TCF7L2: variants seen among roughly 807,000 people sequenced by gnomAD.
The protein encoded by TCF7L2 is transcription factor 7 like 2.
Under a neutral mutation model 77.9 loss-of-function variants are expected in TCF7L2, and 23 were observed. The ratio of observed to expected loss-of-function variants is 0.30; its 90% CI spans 0.21 to 0.42. The LOEUF is 0.42. Among genes scored for constraint, TCF7L2 ranks in the 10% least tolerant of loss-of-function variants. The pLI is 1.00. For missense variants in TCF7L2, 654 were observed against 793.1 expected, an observed-to-expected ratio of 0.82 and a Z score of 2.11; for synonymous variants, 413 against 340.2, an observed-to-expected ratio of 1.21 and a Z score of -2.36.
chr10:113,112,124 G>A (rs567794165), intron 5 of TCF7L2, among the ~76,000 whole-genome samples: 2 of 152,372 alleles, frequency 1.3e-5, no homozygotes, highest in East Asian at 3.9e-4. Context: ...CCACATGGCA[G>A]CAGGAACATT....
At chr10:113,126,717 C>T (rs1214570139) in intron 5 of TCF7L2, 4 of 986,054 alleles carry the variant, frequency 4.1e-6, no homozygotes, top group African/African-American at 1.7e-5. Flanking sequence ...CTGGTGTGTG[C>T]TGCTCCCCTG....
chr10:113,089,627 G>A, intron 5 of TCF7L2: 2 of 1,504,286 alleles, frequency 1.3e-6, no homozygotes, highest in Non-Finnish European at 1.8e-6. Context: ...TCTAGGGCAG[G>A]GCCCATCCAC....
At position 113,156,171 on chromosome 10, in the gene TCF7L2, G is replaced by A. The variant is rs1255408304; in HGVS notation, c.1270-1850G>A. On this transcript the variant is annotated intron_variant, in intron 11 of 13. Transcript: ENST00000627217. ...TGTTCTGTCACCAGGGTGGAGTGCA[G>A]TAGCACGATCTCAGCTCACTGCAAC... 1.7e-4 allele frequency among the ~76,000 whole-genome samples: 25 copies of A among 147,006 alleles called. 1 individual carries two copies. The highest frequency in any genetic ancestry group is 4.4e-5 in the Non-Finnish European group (3 of 67,468).
intron 5 of TCF7L2, among the ~76,000 whole-genome samples, chr10:113,087,387 G>T (rs1208965537): frequency 1.3e-5 from 2 of 152,228 alleles, no homozygotes; most frequent in Non-Finnish European, 2.9e-5. Context: ...AGCAGACAAG[G>T]ATTAAACCCT....
At chr10:113,007,274 G>T (rs1482653740) in intron 4 of TCF7L2, among the ~76,000 whole-genome samples, 2 of 152,236 alleles carry the variant, frequency 1.3e-5, no homozygotes, top group African/African-American at 4.8e-5. Flanking sequence ...CACTTGGGTT[G>T]TGTGTCCCTG....
intron 5 of TCF7L2, among the ~76,000 whole-genome samples, chr10:113,106,856 T>C (rs770169164): frequency 1.2e-4 from 18 of 152,198 alleles, no homozygotes; most frequent in Non-Finnish European, 2.2e-4. Context: ...CATAGAAATG[T>C]ATGAAAATGA....
At chr10:112,997,072 C>T (rs1369573825) in intron 4 of TCF7L2, among the ~76,000 whole-genome samples, 1 of 152,198 alleles carries the variant, frequency 6.6e-6, no homozygotes, top group East Asian at 1.9e-4. Flanking sequence ...ACTAATGAGG[C>T]AGCAGGTGTC....
chr10:112,956,545 G>A (rs1053870031), intron 3 of TCF7L2, among the ~76,000 whole-genome samples: 1 of 152,064 alleles, frequency 6.6e-6, no homozygotes, highest in African/African-American at 2.4e-5. Flanking sequence ...TATTTTCAAA[G>A]GGGTGTGTGA....
rs573046259 is a variant in TCF7L2, at chr10:113,069,494, T to A, written c.552+29368T>A. ...ATCCGCCCACCTCTACCTCTCAAAGTGCTGGGATTACAGGCGTGAGCTGCC... is the reference window on the plus strand; with the variant it reads ...ATCCGCCCACCTCTACCTCTCAAAGAGCTGGGATTACAGGCGTGAGCTGCC... On this transcript the variant is annotated intron_variant, in intron 5 of 13. Transcript: ENST00000627217. 2.0e-5 allele frequency among the ~76,000 whole-genome samples: 3 copies of A among 152,278 alleles called. No individual in the cohort carries two copies. The South Asian group carries it at 6.2e-4, about 32-fold the overall frequency.
intron 5 of TCF7L2, among the ~76,000 whole-genome samples, chr10:113,119,093 A>G (rs2064346532): frequency 6.6e-6 from 1 of 152,234 alleles, no homozygotes; most frequent in Non-Finnish European, 1.5e-5. Context: ...GCGGAAGTTA[A>G]TAAGATTGAC....
chr10:113,118,045 T>C (rs1226646198), intron 5 of TCF7L2, among the ~76,000 whole-genome samples: 1 of 148,524 alleles, frequency 6.7e-6, no homozygotes, highest in African/African-American at 2.5e-5. Context: ...TTTTTTTTGG[T>C]GCTGTGTTTT....
At chr10:113,015,929 T>C (rs1004208175) in intron 4 of TCF7L2, among the ~76,000 whole-genome samples, 15 of 152,202 alleles carry the variant, frequency 9.9e-5, no homozygotes, top group African/African-American at 3.6e-4. Context: ...GGGGTTTCCT[T>C]ACCTGGCAAG....
chr10:113,145,071 C>T (rs2069085201), intron 7 of TCF7L2, among the ~76,000 whole-genome samples: 1 of 150,264 alleles, frequency 6.7e-6, no homozygotes, highest in Non-Finnish European at 1.5e-5. Context: ...TGGCTTACCC[C>T]ACAATTCTAC....
chr10:112,960,150 T>G (rs113470970), intron 3 of TCF7L2, among the ~76,000 whole-genome samples: 56 of 152,310 alleles, frequency 3.7e-4, no homozygotes, highest in African/African-American at 1.3e-3. Context: ...GGATTTCAAT[T>G]GTTTTAATTG....
intron 5 of TCF7L2, among the ~76,000 whole-genome samples, chr10:113,121,796 A>AC (rs2064844682): frequency 6.6e-6 from 1 of 151,986 alleles, no homozygotes. Flanking sequence ...ACACACACAC[A>AC]AATGAAGGCA....
intron 13 of TCF7L2, chr10:113,161,121 G>A (rs1399996749): frequency 2.1e-5 from 5 of 238,312 alleles, no homozygotes; most frequent in Non-Finnish European, 4.0e-5. Flanking sequence ...GACACATGGA[G>A]AAGGGTTCTG....
chr10:113,013,374 C>T (rs1418258457), intron 4 of TCF7L2, among the ~76,000 whole-genome samples: 1 of 149,364 alleles, frequency 6.7e-6, no homozygotes, highest in Non-Finnish European at 1.5e-5. Flanking sequence ...CTGCCTTGAC[C>T]TCCCAGAGTG....
At chr10:112,973,362 T>C (rs1468507060) in intron 4 of TCF7L2, among the ~76,000 whole-genome samples, 1 of 152,186 alleles carries the variant, frequency 6.6e-6, no homozygotes, top group East Asian at 1.9e-4. Flanking sequence ...CAAACAATAT[T>C]CAGCCCAGGC....
Position 112,950,601 on chromosome 10 carries a change from G to C in TCF7L2, c.-156G>C. Reference sequence around the variant, plus strand: ...CTCCTCCCTCTTTTCCCCTCCCCAGGAGAAAAAGACCCCCAAGCAGAAAAA... The same window carrying C: ...CTCCTCCCTCTTTTCCCCTCCCCAGCAGAAAAAGACCCCCAAGCAGAAAAA... On this transcript the variant is annotated 5_prime_UTR_variant, in exon 1 of 14. Transcript: ENST00000627217. The C allele has an allele frequency of 1.4e-6, 1 of 698,282 alleles. No homozygotes were observed. Among genetic ancestry groups the C allele is most frequent in the Non-Finnish European group, 2.3e-6 (1 of 441,460 alleles). The allele number at this position is 698,282 out of a possible 1,614,324, so 43.3% of individuals were successfully genotyped here. A position where few individuals can be genotyped will look rare whatever the true frequency, so the allele number is the denominator to read the frequency against.
Sources: allele counts gnomAD v4.1 joint callset (sites outside exome capture counted in the v4.1 genomes callset), GRCh38; gene constraint gnomAD v4.1.1; transcripts MANE v1.5; gene names NCBI Gene and HGNC (gene_info 2026-07-23, HGNC 2026-07-21).